The following PLD1 variants were observed in gnomAD, a reference collection of about 807,000 sequenced individuals.
The protein encoded by PLD1 is phospholipase D1.
PLD1 carries 112 observed loss-of-function variants against 137.1 expected under a neutral mutation model. That is an observed-to-expected ratio of 0.82 (90% CI 0.70 to 0.96). The LOEUF (loss-of-function observed/expected upper bound fraction) is 0.96. Ranked by LOEUF, PLD1 falls within the 40% of genes least tolerant of loss-of-function variation. PLD1 has a pLI of 0.00. For synonymous variants in PLD1, 431 were observed against 454.7 expected (o/e 0.95, Z 0.66); for missense variants, 1,321 against 1,342.0 (o/e 0.98, Z 0.24).
rs778361865 is a variant in PLD1 at position 171,677,601 on chromosome 3, A to T, written c.1961T>A (p.Phe654Tyr). The T allele has an allele frequency of 1.2e-6, 2 of 1,614,080 alleles. No individual in the cohort carries two copies. The highest frequency in any genetic ancestry group is 2.2e-5 in the South Asian group (2 of 91,084). Residue 654 changes from phenylalanine to tyrosine, a missense_variant, in exon 17 of 27, where the codon TTC becomes TAC. Coordinates refer to ENST00000351298, the MANE Select transcript of PLD1 (RefSeq NM_002662.5). ...WHGKDYCNFV[F>Y]KDWVQLDKPF... ...TTTATCAAGTTGAACCCAGTCTTTG[A>T]AGACGAAATTGCAGTAGTCCTTTCC...
At chr3:171,710,112 G>A (rs1717044528) in intron 9 of PLD1, among the ~76,000 whole-genome samples, 2 of 152,078 alleles carry the variant, frequency 1.3e-5, no homozygotes, top group Non-Finnish European at 2.9e-5. Flanking sequence ...GCCCAGGCTG[G>A]AGTGCAGTGG....
At chr3:171,658,570 A>G (rs1737407254) in intron 21 of PLD1, among the ~76,000 whole-genome samples, 1 of 152,202 alleles carries the variant, frequency 6.6e-6, no homozygotes, top group South Asian at 2.1e-4. Context: ...ATATTGTGTG[A>G]CTCCATTTAT....
At chr3:171,675,159 T>C (rs1256669371) in intron 18 of PLD1, among the ~76,000 whole-genome samples, 2 of 152,126 alleles carry the variant, frequency 1.3e-5, no homozygotes, top group Non-Finnish European at 2.9e-5. Context: ...GTTTTATATT[T>C]GTAAAGACAG....
chr3:171,604,447 T>G (rs1732051594), intron 26 of PLD1, among the ~76,000 whole-genome samples: 2 of 152,108 alleles, frequency 1.3e-5, no homozygotes, highest in African/African-American at 2.4e-5. Flanking sequence ...TTCCCTAATT[T>G]TTTTTTTTAA....
chr3:171,615,546 T>G (rs1173611086), intron 24 of PLD1, among the ~76,000 whole-genome samples: 1 of 152,234 alleles, frequency 6.6e-6, no homozygotes, highest in Non-Finnish European at 1.5e-5. Context: ...GATGTTTAAC[T>G]TTGTGTTCAT....
Position 171,612,583 on chromosome 3 carries a change from C to T in PLD1, c.2729-151G>A. On this transcript the variant is annotated intron_variant, in intron 24 of 26. Coordinates refer to ENST00000351298, the MANE Select transcript of PLD1 (RefSeq NM_002662.5). The surrounding 1 kb of genome is among the most constrained non-coding windows in gnomAD (Gnocchi z 4.1). The stretch of plus-strand genomic sequence containing the variant: ...TGTTTTTAGGGAGGTGGGGCCCTCC[C>T]TAACCCAGGGGTGAATCTTAATCAG... 1 of 666,030 alleles carries T rather than the reference C, an allele frequency of 1.5e-6. No homozygotes were observed. The highest frequency in any genetic ancestry group is 1.8e-5 in the South Asian group (1 of 54,400). The allele number at this position is 666,030 out of a possible 1,614,324, so 41.3% of individuals were successfully genotyped here. A position where few individuals can be genotyped will look rare whatever the true frequency, so the allele number is the denominator to read the frequency against.
chr3:171,810,152 C>T (rs1421826499), intron 1 of PLD1, among the ~76,000 whole-genome samples: 1 of 152,238 alleles, frequency 6.6e-6, no homozygotes, highest in Admixed American at 6.5e-5. Context: ...GGCAGCCGCC[C>T]GCGCGGCAAA....
At chr3:171,644,669 C>A (rs1484144061) in intron 22 of PLD1, among the ~76,000 whole-genome samples, 1 of 152,164 alleles carries the variant, frequency 6.6e-6, no homozygotes, top group Non-Finnish European at 1.5e-5. Context: ...AGTAACTATA[C>A]AAGAAGGACT....
chr3:171,719,877 T>C (rs573451953), intron 8 of PLD1, among the ~76,000 whole-genome samples: 1 of 152,210 alleles, frequency 6.6e-6, no homozygotes, highest in Non-Finnish European at 1.5e-5. Context: ...TTGTTTGCCT[T>C]ACTACAATTT....
chr3:171,785,356 A>G (rs943367692), intron 1 of PLD1, among the ~76,000 whole-genome samples: 1 of 152,172 alleles, frequency 6.6e-6, no homozygotes, highest in Non-Finnish European at 1.5e-5. Context: ...TTACCAAAAT[A>G]CTGTGTCATG....
At chr3:171,605,706 C>T (rs1240027005) in intron 25 of PLD1, among the ~76,000 whole-genome samples, 1 of 152,132 alleles carries the variant, frequency 6.6e-6, no homozygotes, top group Non-Finnish European at 1.5e-5. Flanking sequence ...TTAGAGAAGG[C>T]TTTAGGATTA....
rs79563557 is a variant in PLD1, at chr3:171,715,090, T to C, written c.759-1045A>G. On this transcript the variant is annotated intron_variant, in intron 8 of 26. Transcript: ENST00000351298. ...AATGAATAATATTCCCAATAACAAT[T>C]TTCAAAGCAAACACAGAAATTATAC... Among the ~76,000 whole-genome samples, 159 of 152,274 alleles carry C rather than the reference T, an allele frequency of 1.0e-3. 5 individuals are homozygous for C. In the East Asian group the frequency reaches 0.027, roughly 26 times the overall value.
chr3:171,724,846 G>A (rs1469400909), intron 7 of PLD1, 58 bp from the exon 8 acceptor site: 10 of 958,210 alleles, frequency 1.0e-5, no homozygotes, highest in Non-Finnish European at 1.7e-5. Flanking sequence ...CACTTAGCTC[G>A]TACAGCCTCC....
At chr3:171,771,126 C>G (rs1722325647) in intron 1 of PLD1, 2 of 152,172 alleles carry the variant, frequency 1.3e-5, no homozygotes, top group African/African-American at 4.8e-5. Flanking sequence ...TCTGTCCTAT[C>G]ATCACACCGT....
chr3:171,774,100 A>G (rs1722507983), intron 1 of PLD1, among the ~76,000 whole-genome samples: 1 of 151,966 alleles, frequency 6.6e-6, no homozygotes, highest in South Asian at 2.1e-4. Flanking sequence ...GCTAGTAAGT[A>G]CACTGCCAAG....
chr3:171,712,257 A>G (rs1717303712), intron 9 of PLD1, among the ~76,000 whole-genome samples: 1 of 152,130 alleles, frequency 6.6e-6, no homozygotes, highest in South Asian at 2.1e-4. Flanking sequence ...TGGAGCTGAG[A>G]GGAGTGAAGC....
At position 171,751,592 on chromosome 3, in the gene PLD1, G is replaced by A. The variant is rs76502355; in HGVS notation, c.-31-13510C>T. ...ATCAGGGAAGTCGTATTGAAACAAT[G>A]AGATACTATTTTACATTCATTGGAT... On this transcript the variant is annotated intron_variant, in intron 1 of 26. Coordinates refer to ENST00000351298, the MANE Select transcript of PLD1 (RefSeq NM_002662.5). Among the ~76,000 whole-genome samples, 1,327 of 152,308 alleles carry A rather than the reference G, an allele frequency of 8.7e-3. 24 individuals carry two copies. The highest frequency in any genetic ancestry group is 0.031 in the African/African-American group (1,271 of 41,554).
At chr3:171,792,626 G>A (rs1160468748) in intron 1 of PLD1, 2 of 456,608 alleles carry the variant, frequency 4.4e-6, no homozygotes, top group Non-Finnish European at 8.8e-6. Context: ...GCTGCAGGAA[G>A]AAGTGGAGAG....
At chr3:171,648,928 C>A (rs1038469414) in intron 21 of PLD1, among the ~76,000 whole-genome samples, 9 of 152,264 alleles carry the variant, frequency 5.9e-5, no homozygotes, top group African/African-American at 2.2e-4. Context: ...TAAACCAGTT[C>A]TTTACTGATA....
Sources: gnomAD v4.1 joint callset for allele counts (sites outside exome capture counted in the v4.1 genomes callset) on GRCh38, gnomAD v4.1.1 for gene constraint, Gnocchi (gnomAD v3.1) non-coding constraint, MANE v1.5 for transcripts, NCBI Gene and HGNC (gene_info 2026-07-23, HGNC 2026-07-21) for gene names.